Variants in BEND3 observed in about 807,000 individuals in gnomAD.
BEND3 encodes the protein BEN domain containing 3.
Under a neutral mutation model 60.1 loss-of-function variants are expected in BEND3, and 13 were observed. The observed-to-expected ratio is 0.22, with a 90% CI of 0.14 to 0.34. The LOEUF is 0.34. Ranked by LOEUF, BEND3 falls within the 10% of genes least tolerant of loss-of-function variation. The probability of loss-of-function intolerance (pLI) is 1.00; values close to 1 mark genes in which losing one functional copy is unlikely to be tolerated. For missense variants in BEND3, 896 were observed against 1,138.1 expected (o/e 0.79, Z 3.06); for synonymous variants, 497 against 491.5 (o/e 1.01, Z -0.15).
rs782449291 is a variant in BEND3 at position 107,098,660 on chromosome 6, A to G, written c.131T>C (p.Val44Ala). The change falls in exon 3 of 4, where the codon GTG (valine) becomes GCG (alanine). Residue 44 changes from valine to alanine, a missense_variant. Around this residue, in one of 4 missense-constraint regions of BEND3, gnomAD observed 846 missense variants for 1,036.7 expected, o/e 0.82. Transcript: ENST00000369042. The part of the protein sequence containing the change: ...VNSRTSEKHS[V>A]DSVLTALQDS... ...CTGCAGGGCAGTGAGGACGCTGTCC[A>G]CAGAGTGCTTCTCAGAAGTCCTGGA... is the stretch of plus-strand genomic sequence containing the variant. 6.2e-7 allele frequency: 1 copy of G among 1,614,114 alleles called. No individual in the cohort carries two copies. The highest frequency in any genetic ancestry group is 8.5e-7 in the Non-Finnish European group (1 of 1,180,024).
chr6:107,105,546 A>C (rs1554237346), intron 1 of BEND3, among the ~76,000 whole-genome samples: 1 of 152,044 alleles, frequency 6.6e-6, no homozygotes, highest in Non-Finnish European at 1.5e-5. Context: ...CTTTCTATCA[A>C]GTTCTTTGAA....
chr6:107,074,761 T>C (rs1775064285), intron 3 of BEND3, among the ~76,000 whole-genome samples: 1 of 152,014 alleles, frequency 6.6e-6, no homozygotes, highest in South Asian at 2.1e-4. Context: ...CCTAATGCAG[T>C]GTTTCAAATT....
intron 1 of BEND3, among the ~76,000 whole-genome samples, chr6:107,114,818 G>C (rs1245447681): frequency 6.8e-6 from 1 of 147,822 alleles, no homozygotes; most frequent in Non-Finnish European, 1.5e-5. Context: ...GAACGCCATG[G>C]AGCCGCCGCG....
At chr6:107,084,090 T>A (rs957829748) in intron 3 of BEND3, among the ~76,000 whole-genome samples, 1 of 152,166 alleles carries the variant, frequency 6.6e-6, no homozygotes, top group African/African-American at 2.4e-5. Context: ...CTTAAACCCG[T>A]AAGACCGGTA....
At chr6:107,073,821 A>G (rs1218101393) in intron 3 of BEND3, among the ~76,000 whole-genome samples, 1 of 151,852 alleles carries the variant, frequency 6.6e-6, no homozygotes, top group Admixed American at 6.6e-5. Context: ...TGGGAGATTG[A>G]GGCTTCGTAA....
chr6:107,088,075 AT>A (rs1204904678), intron 3 of BEND3, among the ~76,000 whole-genome samples: 1 of 149,198 alleles, frequency 6.7e-6, no homozygotes, highest in Admixed American at 6.7e-5. Context: ...CAGTGGTGCA[AT>A]CTTGGCTCAC....
chr6:107,069,867 C>A lies in BEND3; in HGVS notation c.1324G>T (p.Glu442Ter). 6.2e-7 allele frequency: 1 copy of A among 1,613,806 alleles called. No homozygotes were observed. Among genetic ancestry groups the A allele is most frequent in the Non-Finnish European group, 8.5e-7 (1 of 1,179,996 alleles). The change falls in exon 4 of 4, where the codon GAG becomes TAG. Residue 442 changes from glutamate (E) to a stop codon, truncating the protein, a stop_gained. Transcript: ENST00000369042. LOFTEE classifies it high-confidence loss of function. Reference sequence around the variant, plus strand: ...ATCTGCAGCCGCTGCGGGTCCAGCTCCTGCTTTCCACCGTCCCCGTAGCAG... The same window carrying A: ...ATCTGCAGCCGCTGCGGGTCCAGCTACTGCTTTCCACCGTCCCCGTAGCAG... ...YSCYGDGGKQ[E>*]LDPQRLQIIR...
intron 3 of BEND3, among the ~76,000 whole-genome samples, chr6:107,072,967 G>A (rs1775014112): frequency 1.3e-5 from 2 of 151,816 alleles, no homozygotes; most frequent in South Asian, 4.2e-4. Flanking sequence ...CAGCCTGGGT[G>A]ACAGAGTGAG....
At chr6:107,093,328 G>A (rs1365345258) in intron 3 of BEND3, among the ~76,000 whole-genome samples, 6 of 152,258 alleles carry the variant, frequency 3.9e-5, no homozygotes, top group Non-Finnish European at 8.8e-5. Flanking sequence ...GGGCGTGGTG[G>A]TGGGTGCCTG....
intron 1 of BEND3, among the ~76,000 whole-genome samples, chr6:107,108,459 C>T (rs556685952): frequency 5.9e-5 from 9 of 152,346 alleles, no homozygotes; most frequent in South Asian, 4.1e-4. Context: ...AGCCATGTGA[C>T]TGACTGCACA....
At chr6:107,109,268 ACC>A (rs1554238004) in intron 1 of BEND3, among the ~76,000 whole-genome samples, 1 of 149,550 alleles carries the variant, frequency 6.7e-6, no homozygotes, top group Non-Finnish European at 1.5e-5. Flanking sequence ...ACATGACAAA[ACC>A]CCGTCTCTAC....
At chr6:107,093,334 G>A (rs190900751) in intron 3 of BEND3, among the ~76,000 whole-genome samples, 50 of 152,218 alleles carry the variant, frequency 3.3e-4, no homozygotes, top group African/African-American at 1.2e-3. Context: ...GGTGGTGGGT[G>A]CCTGTAGTCC....
chr6:107,072,052 T>C (rs1243392337), intron 3 of BEND3, among the ~76,000 whole-genome samples: 1 of 152,256 alleles, frequency 6.6e-6, no homozygotes, highest in Non-Finnish European at 1.5e-5. Flanking sequence ...TTGACAAATG[T>C]TGAATTCGAC....
At position 107,069,466 on chromosome 6, in the gene BEND3, C is replaced by G. The variant is rs1348721149; in HGVS notation, c.1725G>C (p.Ser575=). ...CGGGGAACAGGTGCACCAGCAGGCGCGAGGCGAAGTTGCCGATGGACAGGC... is the reference window on the plus strand; with the variant it reads ...CGGGGAACAGGTGCACCAGCAGGCGGGAGGCGAAGTTGCCGATGGACAGGC... ...ESSLSIGNFA[S]RLLVHLFPEL... is the part of the protein sequence containing the mutation. The change falls in exon 4 of 4, where the codon TCG becomes TCC. Residue 575 remains serine, a synonymous_variant. Transcript: ENST00000369042. The G allele has an allele frequency of 7.4e-6, 12 of 1,612,404 alleles. No homozygotes were observed. Among genetic ancestry groups the G allele is most frequent in the Non-Finnish European group, 9.3e-6 (11 of 1,179,964 alleles).
intron 3 of BEND3, among the ~76,000 whole-genome samples, chr6:107,087,732 A>C (rs1554234492): frequency 8.7e-6 from 1 of 114,672 alleles, no homozygotes; most frequent in East Asian, 2.7e-4. Context: ...GCAAGACTCC[A>C]TCTCGAAACA....
intron 3 of BEND3, among the ~76,000 whole-genome samples, chr6:107,083,342 A>G (rs1775271434): frequency 6.6e-6 from 1 of 152,264 alleles, no homozygotes; most frequent in South Asian, 2.1e-4. Flanking sequence ...ATTATCGGCC[A>G]GGCACGGTGG....
At chr6:107,114,737 GGGC>G (rs1335106925) in intron 1 of BEND3, among the ~76,000 whole-genome samples, 1 of 146,184 alleles carries the variant, frequency 6.8e-6, no homozygotes, top group East Asian at 2.0e-4. Flanking sequence ...CGAGTGGGGC[GGGC>G]GGCGGCGGCG....
intron 3 of BEND3, among the ~76,000 whole-genome samples, chr6:107,095,126 G>T (rs1259279801): frequency 6.6e-6 from 1 of 151,934 alleles, no homozygotes; most frequent in Non-Finnish European, 1.5e-5. Context: ...ACCTAGCTGT[G>T]CCACTGCTTT....
intron 3 of BEND3, among the ~76,000 whole-genome samples, chr6:107,075,387 A>T (rs749072551): frequency 2.0e-5 from 3 of 152,200 alleles, no homozygotes; most frequent in Non-Finnish European, 2.9e-5. Flanking sequence ...TCATACAGGT[A>T]AGTTGTATTG....
Sources: allele counts gnomAD v4.1 joint callset (sites outside exome capture counted in the v4.1 genomes callset), GRCh38; gene constraint gnomAD v4.1.1; regional missense constraint gnomAD v4.1.1; transcripts MANE v1.5; gene names NCBI Gene and HGNC (gene_info 2026-07-23, HGNC 2026-07-21).